Variants in GAS2 observed in about 807,000 individuals in gnomAD.
The protein encoded by GAS2 is growth arrest-specific protein 2.
In GAS2, 20 loss-of-function variants were observed where a neutral mutation model predicts 37.5. That is an observed-to-expected ratio of 0.53 (90% CI 0.37 to 0.77). GAS2 has a LOEUF of 0.77. Among genes scored for constraint, GAS2 ranks in the 30% least tolerant of loss-of-function variants. The pLI is 0.00. For missense variants in GAS2, 336 were observed against 373.4 expected (o/e 0.90, Z 0.82); for synonymous variants, 144 against 132.2 (o/e 1.09, Z -0.61).
At chr11:22,687,807 C>T (rs547431256) in intron 3 of GAS2, among the ~76,000 whole-genome samples, 8 of 152,150 alleles carry the variant, frequency 5.3e-5, no homozygotes, top group Non-Finnish European at 7.3e-5. Context: ...AAGCAATGAA[C>T]AGAGGGAAAT....
intron 3 of GAS2, among the ~76,000 whole-genome samples, chr11:22,704,819 G>A (rs1385466989): frequency 3.3e-5 from 5 of 151,586 alleles, no homozygotes; most frequent in Non-Finnish European, 5.9e-5. Context: ...GAATGTGTAT[G>A]CAAATATATA....
At position 22,754,475 on chromosome 11, in the gene GAS2, G is replaced by A. The variant is rs544166655; in HGVS notation, c.616-1371G>A. Among the ~76,000 whole-genome samples the A allele has an allele frequency of 2.0e-5, 3 of 152,126 alleles. No homozygotes were observed. The South Asian group carries it at 6.2e-4, about 32-fold the overall frequency. The stretch of plus-strand genomic sequence containing the variant: ...GATGGCAAAAAGGACTAATGGCAAT[G>A]TATATATTAAAGTTGGTTCTTTTGT... On this transcript the variant is annotated intron_variant, in intron 6 of 7. Transcript: ENST00000454584.
chr11:22,722,600 A>G (rs1450315698), intron 3 of GAS2, among the ~76,000 whole-genome samples: 1 of 151,902 alleles, frequency 6.6e-6, no homozygotes, highest in Admixed American at 6.6e-5. Flanking sequence ...AAAGGTTTGA[A>G]GGTATTAAAT....
At chr11:22,704,156 A>G (rs1403411886) in intron 3 of GAS2, among the ~76,000 whole-genome samples, 2 of 152,100 alleles carry the variant, frequency 1.3e-5, no homozygotes, top group East Asian at 1.9e-4. Flanking sequence ...TGTGAAGCAA[A>G]TAAGTCATGG....
At chr11:22,722,042 T>A (rs2134142412) in intron 3 of GAS2, among the ~76,000 whole-genome samples, 1 of 152,098 alleles carries the variant, frequency 6.6e-6, no homozygotes, top group South Asian at 2.1e-4. Context: ...AAATACAGAT[T>A]TTAAGTACAT....
intron 2 of GAS2, among the ~76,000 whole-genome samples, chr11:22,679,289 T>C (rs927287352): frequency 6.6e-6 from 1 of 152,114 alleles, no homozygotes; most frequent in African/African-American, 2.4e-5. Flanking sequence ...ATTTAGCCAT[T>C]GTTGCCTATT....
At chr11:22,667,408 G>A (rs1849027263) in intron 1 of GAS2, among the ~76,000 whole-genome samples, 1 of 152,188 alleles carries the variant, frequency 6.6e-6, no homozygotes, top group South Asian at 2.1e-4. Context: ...AGGATGGGAG[G>A]AAAGAGCGCC....
intron 3 of GAS2, among the ~76,000 whole-genome samples, chr11:22,721,847 G>A (rs969741934): frequency 1.3e-5 from 2 of 151,930 alleles, no homozygotes; most frequent in South Asian, 2.1e-4. Context: ...TACCCATAAC[G>A]GAAATAATGC....
Position 22,717,580 on chromosome 11 carries a change from T to C in GAS2, c.268-8712T>C, listed in dbSNP as rs58583795. Among the ~76,000 whole-genome samples, 276 of 152,264 alleles carry C rather than the reference T, an allele frequency of 1.8e-3. 2 individuals carry two copies. The highest frequency in any genetic ancestry group is 6.1e-3 in the African/African-American group (254 of 41,562). ...GACATTATCCTAGACAAAGAGTTGATGACCAAGAACCCAAGAGCAAATGCA... is the reference window on the plus strand; with the variant it reads ...GACATTATCCTAGACAAAGAGTTGACGACCAAGAACCCAAGAGCAAATGCA... On this transcript the variant is annotated intron_variant, in intron 3 of 7. Coordinates refer to ENST00000454584, the MANE Select transcript of GAS2 (RefSeq NM_001143830.3).
chr11:22,632,129 T>C (rs1415459786), intron 1 of GAS2, among the ~76,000 whole-genome samples: 2 of 152,114 alleles, frequency 1.3e-5, no homozygotes, highest in African/African-American at 4.8e-5. Flanking sequence ...CTTCGTAGTC[T>C]TGAAGGATAT....
Position 22,710,511 on chromosome 11 carries a change from G to A in GAS2, c.268-15781G>A, listed in dbSNP as rs201558570. ...TATGTGTGTGTGTGTGTCTGTGTGT[G>A]TCTGTGTGTATATATATATATATGT... On this transcript the variant is annotated intron_variant, in intron 3 of 7. Coordinates refer to ENST00000454584, the MANE Select transcript of GAS2 (RefSeq NM_001143830.3). Among the ~76,000 whole-genome samples the A allele has an allele frequency of 5.0e-3, 53 of 10,702 alleles. No homozygotes were observed. In the Non-Finnish European group the frequency reaches 0.1, roughly 20 times the overall value. The allele number at this position is 10,702 out of a possible 152,430, so 7.0% of individuals were successfully genotyped here. A position where few individuals can be genotyped will look rare whatever the true frequency, so the allele number is the denominator to read the frequency against.
chr11:22,756,146 A>G (rs928527191), intron 7 of GAS2, among the ~76,000 whole-genome samples, 193 bp downstream of exon 7: 3 of 152,136 alleles, frequency 2.0e-5, no homozygotes, highest in African/African-American at 4.8e-5. Flanking sequence ...CTCTTTGTAC[A>G]TATACCAAAA....
In GAS2 at chr11:22,812,665, T is replaced by A. The variant is rs1481712360; in HGVS notation, c.*649T>A. On this transcript the variant is annotated 3_prime_UTR_variant, in exon 8 of 8. Coordinates refer to ENST00000454584, the MANE Select transcript of GAS2 (RefSeq NM_001143830.3). The stretch of plus-strand genomic sequence containing the variant: ...GTACACCCCCTTAGAGAATAGCTTA[T>A]GAGTTATTTCACACATTCCTGAGCA... 6.5e-6 allele frequency: 1 copy of A among 152,748 alleles called. No individual in the cohort carries two copies. The highest frequency in any genetic ancestry group is 1.5e-5 in the Non-Finnish European group (1 of 68,146). 9.5% of individuals were successfully genotyped at this position (152,748 alleles called of 1,614,324 possible).
intron 3 of GAS2, 141 bp from the exon 4 acceptor site, chr11:22,726,151 A>G: frequency 2.7e-6 from 2 of 739,700 alleles, no homozygotes; most frequent in Non-Finnish European, 4.3e-6. Flanking sequence ...GCATAGCATT[A>G]TATTTCCTTT....
chr11:22,764,521 C>G (rs968705238), intron 7 of GAS2, among the ~76,000 whole-genome samples: 2 of 142,810 alleles, frequency 1.4e-5, no homozygotes, highest in African/African-American at 2.6e-5. Context: ...GAGATCTCGC[C>G]GCTGCACTCC....
chr11:22,798,238 C>G (rs1027830259), intron 7 of GAS2, among the ~76,000 whole-genome samples: 5 of 151,996 alleles, frequency 3.3e-5, no homozygotes, highest in African/African-American at 9.7e-5. Flanking sequence ...AGCAGCAGCA[C>G]AACATTATTA....
chr11:22,641,370 T>C (rs1465671125), intron 1 of GAS2, among the ~76,000 whole-genome samples: 1 of 149,134 alleles, frequency 6.7e-6, no homozygotes, highest in African/African-American at 2.5e-5. Context: ...TATTATACTT[T>C]AAGTTCTAGG....
intron 6 of GAS2, among the ~76,000 whole-genome samples, chr11:22,750,983 C>T (rs1242942888): frequency 6.6e-6 from 1 of 151,946 alleles, no homozygotes; most frequent in Non-Finnish European, 1.5e-5. Flanking sequence ...TATGAGATTG[C>T]TTCCTGGTAT....
intron 7 of GAS2, among the ~76,000 whole-genome samples, chr11:22,792,544 A>G (rs1479900621): frequency 6.6e-6 from 1 of 152,238 alleles, no homozygotes; most frequent in Non-Finnish European, 1.5e-5. Context: ...AGTAAATTTA[A>G]GAGCAAAGAG....
Sources: gnomAD v4.1 joint callset for allele counts (sites outside exome capture counted in the v4.1 genomes callset) on GRCh38, gnomAD v4.1.1 for gene constraint, MANE v1.5 for transcripts, NCBI Gene and HGNC (gene_info 2026-07-23, HGNC 2026-07-21) for gene names.